CENPW: variants seen among roughly 807,000 people sequenced by gnomAD.
CENPW encodes the protein cancer-up-regulated gene 2 protein.
Under a neutral mutation model 11.1 loss-of-function variants are expected in CENPW, and 3 were observed. The observed-to-expected ratio is 0.27, with a 90% CI of 0.12 to 0.70. CENPW has a LOEUF of 0.70. Ranked by LOEUF, CENPW falls within the 30% of genes least tolerant of loss-of-function variation. The pLI is 0.77. For synonymous variants in CENPW, 38 were observed against 42.0 expected (o/e 0.91, Z 0.37); for missense variants, 100 against 105.6 (o/e 0.95, Z 0.23).
intron 2 of CENPW, among the ~76,000 whole-genome samples, chr6:126,347,247 C>T (rs1310347707): frequency 6.6e-6 from 1 of 152,070 alleles, no homozygotes; most frequent in Non-Finnish European, 1.5e-5. Flanking sequence ...AGGAGGGAAA[C>T]TTATTTTTGA....
At chr6:126,443,003 TTA>T in the CENPW span, among the ~76,000 whole-genome samples, 1 of 151,288 alleles carries the variant, frequency 6.6e-6, no homozygotes, top group Non-Finnish European at 1.5e-5. Flanking sequence ...TAATGTAATT[TTA>T]TGACAATGTG....
chr6:126,389,329 T>C, the CENPW span, among the ~76,000 whole-genome samples: 1 of 152,024 alleles, frequency 6.6e-6, no homozygotes, highest in East Asian at 1.9e-4. Flanking sequence ...AGTACTTTGT[T>C]TTTTGTTAAT....
At chr6:126,403,560 A>G in the CENPW span, among the ~76,000 whole-genome samples, 1 of 152,148 alleles carries the variant, frequency 6.6e-6, no homozygotes, top group Non-Finnish European at 1.5e-5. Flanking sequence ...CAGTGAAGAC[A>G]GAGAGGTAAA....
At chr6:126,357,960 A>T in the CENPW span, among the ~76,000 whole-genome samples, 67,050 of 151,864 alleles carry the variant, frequency 0.44, 16,823 homozygotes, top group East Asian at 0.97. Context: ...CCTAGGTATT[A>T]CCATTTTTTT....
the CENPW span, among the ~76,000 whole-genome samples, chr6:126,392,722 T>C: frequency 6.6e-6 from 1 of 152,056 alleles, no homozygotes; most frequent in Non-Finnish European, 1.5e-5. Context: ...GATTTTTGCA[T>C]TGATATTCAT....
the CENPW span, among the ~76,000 whole-genome samples, chr6:126,448,786 A>G: frequency 1.3e-5 from 2 of 151,148 alleles, no homozygotes; most frequent in Non-Finnish European, 3.0e-5. Flanking sequence ...ATCAGGTTCT[A>G]CGACAAAAGA....
the CENPW span, among the ~76,000 whole-genome samples, chr6:126,482,241 C>A: frequency 6.6e-6 from 1 of 151,942 alleles, no homozygotes; most frequent in Non-Finnish European, 1.5e-5. Context: ...TAAATATGGT[C>A]TGCTTAATAA....
chr6:126,464,634 C>T, the CENPW span, among the ~76,000 whole-genome samples: 13 of 152,196 alleles, frequency 8.5e-5, 1 homozygote, highest in Middle Eastern at 3.4e-3. Flanking sequence ...GGACTTACAC[C>T]AGTGGTTTAC....
At chr6:126,356,405 T>TA in the CENPW span, among the ~76,000 whole-genome samples, 2 of 152,148 alleles carry the variant, frequency 1.3e-5, no homozygotes, top group Non-Finnish European at 1.5e-5. Flanking sequence ...TTGAAGGAGA[T>TA]ACGGGACAGC....
At chr6:126,383,841 C>A in the CENPW span, among the ~76,000 whole-genome samples, 59 of 152,198 alleles carry the variant, frequency 3.9e-4, no homozygotes, top group African/African-American at 1.4e-3. Flanking sequence ...TTTAACAACC[C>A]ACTGACAGTA....
At chr6:126,447,919 C>T in the CENPW span, among the ~76,000 whole-genome samples, 453 of 151,422 alleles carry the variant, frequency 3.0e-3, 2 homozygotes, top group African/African-American at 0.01. Context: ...GTTGCTCCTC[C>T]GGGCATTGAC....
the CENPW span, among the ~76,000 whole-genome samples, chr6:126,411,101 T>C: frequency 3.3e-5 from 5 of 152,302 alleles, no homozygotes; most frequent in Admixed American, 3.3e-4. Flanking sequence ...GGTGGAACTA[T>C]TACCTCTTCC....
chr6:126,349,142 A>T (rs1216834735), downstream of CENPW, among the ~76,000 whole-genome samples: 2 of 152,098 alleles, frequency 1.3e-5, no homozygotes, highest in Non-Finnish European at 2.9e-5. Flanking sequence ...GAAGTTTATT[A>T]TGTATCATCA....
At chr6:126,450,151 T>G in the CENPW span, among the ~76,000 whole-genome samples, 4 of 151,194 alleles carry the variant, frequency 2.6e-5, no homozygotes, top group East Asian at 7.8e-4. Flanking sequence ...TGCTTTTATT[T>G]GTTTTCTAAT....
At chr6:126,444,053 CTTTT>C in the CENPW span, among the ~76,000 whole-genome samples, 1 of 135,574 alleles carries the variant, frequency 7.4e-6, no homozygotes, top group Non-Finnish European at 1.6e-5. Flanking sequence ...TCAATCAGGT[CTTTT>C]TTTTTTTTTC....
the CENPW span, among the ~76,000 whole-genome samples, chr6:126,389,700 C>T: frequency 1.3e-5 from 2 of 151,012 alleles, no homozygotes; most frequent in African/African-American, 2.4e-5. Context: ...GGGTAGAAAA[C>T]CAGGAATTAT....
the CENPW span, among the ~76,000 whole-genome samples, chr6:126,423,095 T>G: frequency 2.6e-5 from 4 of 152,144 alleles, no homozygotes; most frequent in Non-Finnish European, 5.9e-5. Flanking sequence ...CTTTTGCATT[T>G]TATTAGATGT....
the CENPW span, among the ~76,000 whole-genome samples, chr6:126,387,033 A>T: frequency 7.2e-5 from 11 of 151,988 alleles, no homozygotes; most frequent in East Asian, 1.9e-3. Flanking sequence ...ATTTAGAGAA[A>T]CTAAGTTAGA....
At chr6:126,393,855 A>G in the CENPW span, among the ~76,000 whole-genome samples, 2 of 151,332 alleles carry the variant, frequency 1.3e-5, no homozygotes, top group Admixed American at 6.6e-5. Flanking sequence ...TCCTATTGCT[A>G]TATTGACTCC....
Sources: gnomAD v4.1 joint callset for allele counts (sites outside exome capture counted in the v4.1 genomes callset) on GRCh38, gnomAD v4.1.1 for gene constraint, MANE v1.5 for transcripts, NCBI Gene and HGNC (gene_info 2026-07-23, HGNC 2026-07-21) for gene names.